The following MAMDC2 variants were observed in gnomAD, a reference collection of about 807,000 sequenced individuals.
The protein encoded by MAMDC2 is MAM domain containing 2.
A neutral mutation model predicts 89.8 loss-of-function variants in MAMDC2; 57 were observed. That is an observed-to-expected ratio of 0.63 (90% CI 0.51 to 0.79). The LOEUF (loss-of-function observed/expected upper bound fraction) is 0.79, where lower values mean the gene tolerates loss of function less well. Among genes scored for constraint, MAMDC2 ranks in the 30% least tolerant of loss-of-function variants. The pLI, the probability that MAMDC2 is intolerant of heterozygous loss-of-function variation, is 0.00. For synonymous variants in MAMDC2, 313 were observed against 293.4 expected (o/e 1.07, Z -0.68); for missense variants, 800 against 820.6 (o/e 0.97, Z 0.31).
intron 11 of MAMDC2, among the ~76,000 whole-genome samples, chr9:70,206,362 AG>A (rs1354750946): frequency 6.6e-6 from 1 of 152,208 alleles, no homozygotes; most frequent in Non-Finnish European, 1.5e-5. Flanking sequence ...ATATGTGTAC[AG>A]GAACAGTCTA....
At chr9:70,205,577 T>A (rs1265670809) in intron 11 of MAMDC2, among the ~76,000 whole-genome samples, 1 of 152,150 alleles carries the variant, frequency 6.6e-6, no homozygotes, top group Non-Finnish European at 1.5e-5. Context: ...CAGTCCAGAA[T>A]TATGGATGTG....
intron 11 of MAMDC2, among the ~76,000 whole-genome samples, chr9:70,201,941 T>C (rs2033108682): frequency 6.7e-6 from 1 of 148,848 alleles, no homozygotes; most frequent in South Asian, 2.2e-4. Flanking sequence ...GATTCTTCTC[T>C]CTTTTTTTCT....
chr9:70,123,301 C>T (rs1024572538), intron 5 of MAMDC2, among the ~76,000 whole-genome samples: 1 of 150,868 alleles, frequency 6.6e-6, no homozygotes, highest in African/African-American at 2.5e-5. Flanking sequence ...CATAGGCATT[C>T]TCCACTACTA....
At chr9:70,063,494 G>A (rs1827195499) in intron 2 of MAMDC2, among the ~76,000 whole-genome samples, 1 of 152,134 alleles carries the variant, frequency 6.6e-6, no homozygotes, top group African/African-American at 2.4e-5. Context: ...GCGCATAGTA[G>A]ATGCTTGGGA....
At chr9:70,066,093 G>A (rs367807590) in intron 2 of MAMDC2, among the ~76,000 whole-genome samples, 13 of 152,082 alleles carry the variant, frequency 8.5e-5, no homozygotes, top group African/African-American at 2.2e-4. Flanking sequence ...ATATGGTATC[G>A]TGTCCTATGA....
chr9:70,212,227 TG>T (rs2033368666), intron 11 of MAMDC2, among the ~76,000 whole-genome samples: 1 of 152,230 alleles, frequency 6.6e-6, no homozygotes, highest in Admixed American at 6.5e-5. Flanking sequence ...CCCCCACAGG[TG>T]GAGTCTACAG....
intron 2 of MAMDC2, among the ~76,000 whole-genome samples, chr9:70,095,050 A>T (rs984879679): frequency 5.3e-5 from 8 of 152,196 alleles, no homozygotes; most frequent in Non-Finnish European, 1.0e-4. Context: ...GAGGGAAGGG[A>T]TATGAAAGAG....
chr9:70,199,832 G>C (rs1414587365), intron 11 of MAMDC2, among the ~76,000 whole-genome samples: 67 of 146,024 alleles, frequency 4.6e-4, no homozygotes, highest in Middle Eastern at 3.4e-3. Context: ...TGTGTTTTTT[G>C]GCTGCATAAA....
intron 9 of MAMDC2, among the ~76,000 whole-genome samples, chr9:70,155,972 G>A (rs2031749317): frequency 6.6e-6 from 1 of 152,150 alleles, no homozygotes; most frequent in Admixed American, 6.5e-5. Context: ...AATATAAAGA[G>A]TTGCCCTGAC....
intron 9 of MAMDC2, among the ~76,000 whole-genome samples, chr9:70,160,096 C>T (rs948646449): frequency 2.0e-5 from 3 of 152,052 alleles, no homozygotes; most frequent in Non-Finnish European, 4.4e-5. Flanking sequence ...CTTGTAATCC[C>T]AGCTACTCAG....
Position 70,108,246 on chromosome 9 carries a change from C to G in MAMDC2, c.184C>G (p.Gln62Glu). ...TTATGTGGATACCTCCTTTGGCAAG[C>G]AGGGGGAGAAAGCTGTGCTGCTAAG... ...YIYVDTSFGK[Q>E]GEKAVLLSPD... is the part of the protein sequence containing the mutation. Residue 62 changes from glutamine (Q) to glutamate (E), a missense_variant, in exon 3 of 14, where the codon CAG (glutamine) becomes GAG (glutamate). Transcript: ENST00000377182. The G allele has an allele frequency of 3.1e-6, 5 of 1,609,904 alleles. No homozygotes were observed. Among genetic ancestry groups the G allele is most frequent in the Non-Finnish European group, 4.2e-6 (5 of 1,178,234 alleles).
At chr9:70,217,430 A>G in intron 11 of MAMDC2, 1 of 1,327,490 alleles carries the variant, frequency 7.5e-7, no homozygotes, top group Non-Finnish European at 1.1e-6. Flanking sequence ...GTCAAATTCC[A>G]GAGGGCCATT....
At chr9:70,181,280 T>G (rs895824107) in intron 11 of MAMDC2, among the ~76,000 whole-genome samples, 9 of 152,226 alleles carry the variant, frequency 5.9e-5, no homozygotes, top group Admixed American at 2.0e-4. Flanking sequence ...TGAAGTCAGG[T>G]AACGTGATGC....
intron 9 of MAMDC2, among the ~76,000 whole-genome samples, chr9:70,166,274 T>TAC (rs761917593): frequency 2.8e-4 from 14 of 49,622 alleles, no homozygotes; most frequent in African/African-American, 6.5e-4. Flanking sequence ...TATATATATA[T>TAC]ATACACACAC....
In MAMDC2 at chr9:70,140,303, T is replaced by A; in HGVS notation, c.1138+15T>A. ...TACAGGCTTAGGTAAATCAGAGATC[T>A]GTCTATGTGGGGACATCTTGGGTAG... On this transcript the variant is annotated intron_variant, in intron 8 of 13. Coordinates refer to ENST00000377182, the MANE Select transcript of MAMDC2 (RefSeq NM_153267.5). The A allele has an allele frequency of 6.3e-7, 1 of 1,576,518 alleles. No individual in the cohort carries two copies. Among genetic ancestry groups the A allele is most frequent in the South Asian group, 1.2e-5 (1 of 83,170 alleles).
intron 3 of MAMDC2, 69 bp from the exon 4 acceptor site, chr9:70,109,651 T>C (rs1464892411): frequency 1.5e-6 from 2 of 1,308,808 alleles, no homozygotes; most frequent in East Asian, 4.6e-5. Context: ...GACTAATAGC[T>C]GAAATACTGA....
intron 7 of MAMDC2, among the ~76,000 whole-genome samples, chr9:70,134,220 C>T (rs768121394): frequency 6.6e-6 from 1 of 152,048 alleles, no homozygotes; most frequent in Non-Finnish European, 1.5e-5. Context: ...TCCAGTCTCC[C>T]GGACCTGAGA....
intron 11 of MAMDC2, among the ~76,000 whole-genome samples, chr9:70,198,563 C>A (rs2118622251): frequency 6.6e-6 from 1 of 152,112 alleles, no homozygotes; most frequent in East Asian, 1.9e-4. Context: ...CCACTGACTC[C>A]CCCAGTGAAT....
chr9:70,131,690 T>A (rs776423059), intron 7 of MAMDC2, 78 bp downstream of exon 7: 20 of 1,033,550 alleles, frequency 1.9e-5, no homozygotes, highest in Non-Finnish European at 2.8e-5. Context: ...CTTGTTTTAA[T>A]TGCTTTTAAT....
Sources: allele counts gnomAD v4.1 joint callset (sites outside exome capture counted in the v4.1 genomes callset), GRCh38; gene constraint gnomAD v4.1.1; transcripts MANE v1.5; gene names NCBI Gene and HGNC (gene_info 2026-07-23, HGNC 2026-07-21).